The following CADM2 variants were observed in gnomAD, a reference collection of about 807,000 sequenced individuals.
The protein encoded by CADM2 is cell adhesion molecule 2.
A neutral mutation model predicts 49.8 loss-of-function variants in CADM2; 12 were observed. The ratio of observed to expected loss-of-function variants is 0.24; its 90% CI spans 0.15 to 0.39. The LOEUF (loss-of-function observed/expected upper bound fraction) is 0.39, where lower values mean the gene tolerates loss of function less well. CADM2 is among the 10% of genes least tolerant of loss of function. The pLI is 1.00. For synonymous variants in CADM2, 214 were observed against 175.4 expected, an observed-to-expected ratio of 1.22 and a Z score of -1.74; for missense variants, 378 against 492.3, an observed-to-expected ratio of 0.77 and a Z score of 2.20.
intron 1 of CADM2, among the ~76,000 whole-genome samples, chr3:85,493,952 A>G (rs556753786): frequency 6.6e-6 from 1 of 152,336 alleles, no homozygotes; most frequent in Admixed American, 6.5e-5. Context: ...ATGGAGAAAT[A>G]AATCCTCAAA....
chr3:85,886,333 G>T lies in CADM2; in HGVS notation c.529+6G>T, dbSNP rs1290992727. 5.0e-6 allele frequency: 8 copies of T among 1,597,498 alleles called. No individual in the cohort carries two copies. In the Admixed American group the frequency reaches 1.0e-4, roughly 20 times the overall value. ...AAATGACAAAGAGATTAAAGGTAAA[G>T]AATAGAAAAATGAAAATCAAAATTA... On this transcript the variant is annotated splice_donor_region_variant and intron_variant, in intron 5 of 9. Transcript: ENST00000383699.
intron 1 of CADM2, among the ~76,000 whole-genome samples, chr3:85,212,344 T>G (rs953532301): frequency 2.0e-5 from 3 of 152,168 alleles, no homozygotes; most frequent in African/African-American, 7.2e-5. Context: ...TGTGGTCTTA[T>G]ATCCCTTCTT....
At chr3:85,429,375 C>G (rs1338149185) in intron 1 of CADM2, among the ~76,000 whole-genome samples, 1 of 151,962 alleles carries the variant, frequency 6.6e-6, no homozygotes, top group Non-Finnish European at 1.5e-5. Flanking sequence ...GCTACATGCT[C>G]CAAAGTATAA....
At position 85,769,302 on chromosome 3, in the gene CADM2, G is replaced by C. The variant is rs865846953; in HGVS notation, c.89-32745G>C. ...ATATACATATATAGTATATATACAC[G>C]TATATACATATATACATATATAGTA... On this transcript the variant is annotated intron_variant, in intron 2 of 9. Coordinates refer to ENST00000383699, the MANE Select transcript of CADM2 (RefSeq NM_001167675.2). Among the ~76,000 whole-genome samples the C allele has an allele frequency of 7.5e-5, 5 of 66,286 alleles. 1 individual carries two copies. Among genetic ancestry groups the C allele is most frequent in the Non-Finnish European group, 1.4e-4 (5 of 35,280 alleles). 43.5% of individuals were successfully genotyped at this position (66,286 alleles called of 152,430 possible).
intron 1 of CADM2, among the ~76,000 whole-genome samples, chr3:85,363,452 ATACCCCCAAG>A (rs1217981487): frequency 4.6e-5 from 7 of 152,038 alleles, no homozygotes; most frequent in Non-Finnish European, 1.0e-4. Flanking sequence ...AAAACCCCAA[ATACCCCCAAG>A]TAATCCTTTC....
chr3:85,780,624 A>G (rs568080157), intron 2 of CADM2, among the ~76,000 whole-genome samples: 1 of 152,184 alleles, frequency 6.6e-6, no homozygotes, highest in Non-Finnish European at 1.5e-5. Context: ...TTCAGTTAGC[A>G]AAGTCCCTCA....
chr3:85,256,743 G>T (rs996207109), intron 1 of CADM2, among the ~76,000 whole-genome samples: 2 of 151,986 alleles, frequency 1.3e-5, no homozygotes, highest in Non-Finnish European at 2.9e-5. Flanking sequence ...CATGTTTAGC[G>T]CACACCGTCC....
intron 1 of CADM2, among the ~76,000 whole-genome samples, chr3:85,399,721 T>G (rs1464988782): frequency 6.6e-6 from 1 of 152,180 alleles, no homozygotes; most frequent in African/African-American, 2.4e-5. Flanking sequence ...CCTAGATATT[T>G]TATTCTCTTT....
At chr3:85,355,523 CG>C (rs1333566061) in intron 1 of CADM2, among the ~76,000 whole-genome samples, 5 of 151,982 alleles carry the variant, frequency 3.3e-5, no homozygotes, top group Admixed American at 6.6e-5. Context: ...GATTTTCATT[CG>C]GGCCATTTTT....
At chr3:85,508,573 A>T (rs2040461507) in intron 1 of CADM2, among the ~76,000 whole-genome samples, 1 of 152,186 alleles carries the variant, frequency 6.6e-6, no homozygotes, top group Admixed American at 6.5e-5. Flanking sequence ...GGAATAAAAG[A>T]ACTCAAAGGG....
intron 3 of CADM2, among the ~76,000 whole-genome samples, chr3:85,851,606 GA>G (rs1014503979): frequency 3.4e-4 from 51 of 149,256 alleles, no homozygotes; most frequent in African/African-American, 1.2e-3. Context: ...TAAATTTACT[GA>G]AATCAGTTTT....
chr3:85,343,304 A>G (rs1440536788), intron 1 of CADM2, among the ~76,000 whole-genome samples: 1 of 152,188 alleles, frequency 6.6e-6, no homozygotes, highest in Non-Finnish European at 1.5e-5. Flanking sequence ...ATTTTGTCTA[A>G]AAGTACTGAG....
chr3:85,102,974 C>T (rs575991045), intron 1 of CADM2, among the ~76,000 whole-genome samples: 3 of 152,072 alleles, frequency 2.0e-5, no homozygotes, highest in Non-Finnish European at 2.9e-5. Context: ...TATATAAATA[C>T]AGCATACGGC....
intron 1 of CADM2, among the ~76,000 whole-genome samples, chr3:85,529,616 A>T (rs2061249959): frequency 6.6e-6 from 1 of 152,080 alleles, no homozygotes; most frequent in Non-Finnish European, 1.5e-5. Flanking sequence ...ATTGCAATAA[A>T]ATTAAAACAT....
At chr3:86,042,402 T>C (rs1269901920) in intron 8 of CADM2, among the ~76,000 whole-genome samples, 3 of 151,962 alleles carry the variant, frequency 2.0e-5, no homozygotes, top group African/African-American at 4.8e-5. Context: ...GGGATATCAC[T>C]ACCGATCCCA....
At chr3:85,333,861 A>T (rs561375186) in intron 1 of CADM2, among the ~76,000 whole-genome samples, 9 of 151,838 alleles carry the variant, frequency 5.9e-5, no homozygotes, top group Admixed American at 5.9e-4. Flanking sequence ...TCCTGTTGTT[A>T]TATTGAGGGA....
intron 1 of CADM2, among the ~76,000 whole-genome samples, chr3:85,518,589 T>C (rs2060957932): frequency 6.6e-6 from 1 of 152,174 alleles, no homozygotes; most frequent in South Asian, 2.1e-4. Flanking sequence ...TGGGAAAAAT[T>C]AGTGTTCGTG....
At chr3:85,189,470 A>G (rs895757531) in intron 1 of CADM2, among the ~76,000 whole-genome samples, 6 of 152,170 alleles carry the variant, frequency 3.9e-5, no homozygotes, top group Non-Finnish European at 8.8e-5. Flanking sequence ...TTGATAGAAA[A>G]TCTTATTTTT....
intron 1 of CADM2, among the ~76,000 whole-genome samples, chr3:85,601,948 T>G (rs2063419110): frequency 6.6e-6 from 1 of 151,796 alleles, no homozygotes; most frequent in Non-Finnish European, 1.5e-5. Flanking sequence ...AGCTGAAATC[T>G]TAGAGCATCC....
Sources: gnomAD v4.1 joint callset for allele counts (sites outside exome capture counted in the v4.1 genomes callset) on GRCh38, gnomAD v4.1.1 for gene constraint, MANE v1.5 for transcripts, NCBI Gene and HGNC (gene_info 2026-07-23, HGNC 2026-07-21) for gene names.